The following OTUD7A variants were observed in gnomAD, a reference collection of about 807,000 sequenced individuals.
The protein encoded by OTUD7A is OTU deubiquitinase 7A, also known as OTU domain-containing protein 7A.
OTUD7A carries 12 observed loss-of-function variants against 65.7 expected under a neutral mutation model. That is an observed-to-expected ratio of 0.18 (90% CI 0.12 to 0.30). The LOEUF is 0.30. OTUD7A is among the 10% of genes least tolerant of loss of function. The probability of loss-of-function intolerance (pLI) is 1.00; values close to 1 mark genes in which losing one functional copy is unlikely to be tolerated. For synonymous variants in OTUD7A, 641 were observed against 586.3 expected (o/e 1.09, Z -1.35); for missense variants, 1,148 against 1,304.8 (o/e 0.88, Z 1.85).
At chr15:31,620,126 C>T (rs903704115) in intron 3 of OTUD7A, among the ~76,000 whole-genome samples, 1 of 152,158 alleles carries the variant, frequency 6.6e-6, no homozygotes, top group African/African-American at 2.4e-5. Flanking sequence ...CCCACTTGAT[C>T]ATGGTGGACA....
In OTUD7A at chr15:31,766,000, G is replaced by A. The variant is rs191593720; in HGVS notation, c.-100+104507C>T. The A allele has an allele frequency of 5.4e-5, 84 of 1,548,344 alleles. No individual in the cohort carries two copies. In the African/African-American group the frequency reaches 9.0e-4, roughly 17 times the overall value. On this transcript the variant is annotated intron_variant, in intron 1 of 12. Coordinates refer to ENST00000307050, the MANE Select transcript of OTUD7A (RefSeq NM_001382637.1). ...GAAATTTTTTGCTCATCAAACTCCTGAGCACTAATCTGCTTACCGTATGAG... is the reference window on the plus strand; with the variant it reads ...GAAATTTTTTGCTCATCAAACTCCTAAGCACTAATCTGCTTACCGTATGAG...
chr15:31,818,440 T>G (rs1224426644), intron 1 of OTUD7A, among the ~76,000 whole-genome samples: 1 of 152,208 alleles, frequency 6.6e-6, no homozygotes. Flanking sequence ...ATAATGGTAG[T>G]CACAGGTGTT....
Position 31,796,169 on chromosome 15 carries a change from C to G in OTUD7A, c.-100+74338G>C, listed in dbSNP as rs57036654. 4.5e-3 allele frequency among the ~76,000 whole-genome samples: 283 copies of G among 63,376 alleles called. 2 individuals are homozygous for G. The highest frequency in any genetic ancestry group is 0.011 in the African/African-American group (262 of 22,978). The allele number at this position is 63,376 out of a possible 152,430, so 41.6% of individuals were successfully genotyped here. A position where few individuals can be genotyped will look rare whatever the true frequency, so the allele number is the denominator to read the frequency against. On this transcript the variant is annotated intron_variant, in intron 1 of 12. Coordinates refer to ENST00000307050, the MANE Select transcript of OTUD7A (RefSeq NM_001382637.1). ...TGTGTGTGTGTGTGTGTGTGTGTAT[C>G]TATGTATGTATCTATGCATTATCTA...
intron 1 of OTUD7A, among the ~76,000 whole-genome samples, chr15:31,861,753 G>A (rs1000336999): frequency 6.6e-6 from 1 of 152,196 alleles, no homozygotes; most frequent in African/African-American, 2.4e-5. Context: ...CTTTCAATGT[G>A]CCTACCCAAT....
chr15:31,593,484 G>A (rs1461170990), intron 3 of OTUD7A, among the ~76,000 whole-genome samples: 2 of 152,114 alleles, frequency 1.3e-5, no homozygotes, highest in African/African-American at 2.4e-5. Flanking sequence ...TCTCCGTGGC[G>A]AAAACTCTGC....
At chr15:31,627,553 G>A (rs185356819) in intron 3 of OTUD7A, among the ~76,000 whole-genome samples, 4 of 151,978 alleles carry the variant, frequency 2.6e-5, no homozygotes, top group East Asian at 1.9e-4. Flanking sequence ...ATAAACATAC[G>A]TGTGCATGTG....
chr15:31,858,002 C>T (rs915507222), intron 1 of OTUD7A, among the ~76,000 whole-genome samples: 2 of 152,150 alleles, frequency 1.3e-5, no homozygotes, highest in Non-Finnish European at 2.9e-5. Flanking sequence ...GCATGGTTTC[C>T]CACTCAACAC....
At chr15:31,493,114 G>T (rs1360676345) in intron 10 of OTUD7A, among the ~76,000 whole-genome samples, 2 of 151,438 alleles carry the variant, frequency 1.3e-5, no homozygotes, top group Non-Finnish European at 2.9e-5. Context: ...GCTGAGGCAG[G>T]AGAATTGCTT....
intron 1 of OTUD7A, among the ~76,000 whole-genome samples, chr15:31,737,904 TA>T (rs1047020367): frequency 6.6e-6 from 1 of 152,200 alleles, no homozygotes; most frequent in East Asian, 1.9e-4. Context: ...TCACTGGTTG[TA>T]AAAAAGTATC....
intron 1 of OTUD7A, among the ~76,000 whole-genome samples, chr15:31,856,817 G>A (rs1897586497): frequency 1.3e-5 from 2 of 152,206 alleles, no homozygotes; most frequent in South Asian, 2.1e-4. Context: ...TCTGCCCAAC[G>A]GGTCCAGATT....
intron 10 of OTUD7A, among the ~76,000 whole-genome samples, chr15:31,501,381 T>C (rs1392035084): frequency 6.6e-6 from 1 of 152,208 alleles, no homozygotes; most frequent in Non-Finnish European, 1.5e-5. Context: ...TTAATTTATA[T>C]CTAAGACTAA....
At chr15:31,552,887 G>T (rs560248989) in intron 5 of OTUD7A, among the ~76,000 whole-genome samples, 1 of 152,312 alleles carries the variant, frequency 6.6e-6, no homozygotes, top group African/African-American at 2.4e-5. Context: ...GCCTTTGGAA[G>T]CAAGGAATGG....
intron 1 of OTUD7A, among the ~76,000 whole-genome samples, chr15:31,758,800 TC>T (rs1264006263): frequency 1.3e-5 from 2 of 152,024 alleles, no homozygotes; most frequent in Non-Finnish European, 2.9e-5. Flanking sequence ...TCATCAAATC[TC>T]CACTCAACGC....
At chr15:31,832,339 A>C (rs1448723376) in intron 1 of OTUD7A, among the ~76,000 whole-genome samples, 1 of 152,250 alleles carries the variant, frequency 6.6e-6, no homozygotes, top group African/African-American at 2.4e-5. Flanking sequence ...GCACAGGCCC[A>C]TCACAACACT....
intron 1 of OTUD7A, among the ~76,000 whole-genome samples, chr15:31,761,504 TAAGA>T (rs1253776464): frequency 1.3e-5 from 2 of 152,194 alleles, no homozygotes; most frequent in Admixed American, 1.3e-4. Flanking sequence ...ATGGGTATAA[TAAGA>T]AAGACAAACA....
At chr15:31,731,907 A>C (rs554788862) in intron 1 of OTUD7A, among the ~76,000 whole-genome samples, 1 of 152,302 alleles carries the variant, frequency 6.6e-6, no homozygotes, top group Admixed American at 6.5e-5. Flanking sequence ...ATAGGAAATT[A>C]TCCTCAATGA....
intron 1 of OTUD7A, among the ~76,000 whole-genome samples, chr15:31,839,519 C>A (rs1046122183): frequency 6.6e-6 from 1 of 152,112 alleles, no homozygotes; most frequent in Non-Finnish European, 1.5e-5. Flanking sequence ...AACAGTAGAG[C>A]CAGGCATATC....
chr15:31,533,835 A>G (rs1887710922), intron 5 of OTUD7A, among the ~76,000 whole-genome samples: 2 of 152,224 alleles, frequency 1.3e-5, no homozygotes, highest in African/African-American at 4.8e-5. Flanking sequence ...GACATTGCCT[A>G]TCTGTTTATA....
At chr15:31,781,962 G>A (rs915402591) in intron 1 of OTUD7A, among the ~76,000 whole-genome samples, 1 of 152,220 alleles carries the variant, frequency 6.6e-6, no homozygotes, top group Non-Finnish European at 1.5e-5. Context: ...GAAATCAATT[G>A]CTAGTGAGAA....
Sources: gnomAD v4.1 joint callset for allele counts (sites outside exome capture counted in the v4.1 genomes callset) on GRCh38, gnomAD v4.1.1 for gene constraint, MANE v1.5 for transcripts, NCBI Gene and HGNC (gene_info 2026-07-23, HGNC 2026-07-21) for gene names.